The following VPS13B variants were observed in gnomAD, a reference collection of about 807,000 sequenced individuals.
VPS13B encodes vacuolar protein sorting 13 homolog B.
VPS13B carries 285 observed loss-of-function variants against 426.4 expected under a neutral mutation model. The observed-to-expected ratio is 0.67, with a 90% CI of 0.61 to 0.74. The LOEUF (loss-of-function observed/expected upper bound fraction) is 0.74, where lower values mean the gene tolerates loss of function less well. VPS13B is among the 30% of genes least tolerant of loss of function. The pLI, the probability that VPS13B is intolerant of heterozygous loss-of-function variation, is 0.00. For synonymous variants in VPS13B, 1,676 were observed against 1,676.4 expected (o/e 1.00, Z 0.01); for missense variants, 4,537 against 4,782.6 (o/e 0.95, Z 1.51).
intron 35 of VPS13B, among the ~76,000 whole-genome samples, chr8:99,690,622 A>G (rs971693165): frequency 2.6e-5 from 4 of 152,082 alleles, no homozygotes; most frequent in African/African-American, 9.7e-5. Context: ...TAATAATCTT[A>G]TATTTTATAT....
chr8:99,751,015 T>C (rs1463097304), intron 39 of VPS13B, among the ~76,000 whole-genome samples: 1 of 152,092 alleles, frequency 6.6e-6, no homozygotes, highest in African/African-American at 2.4e-5. Context: ...TCCTTAGGAA[T>C]GTTGATGGAA....
chr8:99,482,499 A>G (rs1000794186), intron 25 of VPS13B, among the ~76,000 whole-genome samples: 5 of 152,216 alleles, frequency 3.3e-5, no homozygotes, highest in Non-Finnish European at 7.3e-5. Context: ...GCATGACTAC[A>G]TTAGAAGACA....
chr8:99,807,908 G>A (rs1027129580), intron 43 of VPS13B, among the ~76,000 whole-genome samples: 10 of 138,768 alleles, frequency 7.2e-5, no homozygotes, highest in South Asian at 2.3e-4. Flanking sequence ...TCTTAACATC[G>A]AAAACGTATG....
At chr8:99,866,381 C>G (rs1817100407) in intron 58 of VPS13B, among the ~76,000 whole-genome samples, 1 of 152,204 alleles carries the variant, frequency 6.6e-6, no homozygotes, top group Admixed American at 6.5e-5. Context: ...GATAAGGCAC[C>G]TGGTGGCTGG....
intron 24 of VPS13B, among the ~76,000 whole-genome samples, chr8:99,474,014 A>G (rs1322670300): frequency 6.6e-6 from 1 of 152,122 alleles, no homozygotes; most frequent in Non-Finnish European, 1.5e-5. Context: ...AAAGAGATAT[A>G]TCTCCTCATA....
intron 39 of VPS13B, among the ~76,000 whole-genome samples, chr8:99,744,486 T>C (rs1376540833): frequency 1.3e-5 from 2 of 152,136 alleles, no homozygotes; most frequent in Admixed American, 6.5e-5. Context: ...ACCCAAAGGA[T>C]TATAAATCAT....
chr8:99,019,699 G>A (rs1327914727), intron 2 of VPS13B, among the ~76,000 whole-genome samples: 1 of 152,090 alleles, frequency 6.6e-6, no homozygotes, highest in Admixed American at 6.5e-5. Context: ...GTATGAATTT[G>A]ACTATTTTAA....
At chr8:99,374,062 T>C (rs1429635531) in intron 19 of VPS13B, among the ~76,000 whole-genome samples, 1 of 152,202 alleles carries the variant, frequency 6.6e-6, no homozygotes, top group Non-Finnish European at 1.5e-5. Context: ...GAAATCTAGG[T>C]TGAATTTTTT....
At chr8:99,437,882 T>C (rs1048255325) in intron 22 of VPS13B, among the ~76,000 whole-genome samples, 1 of 152,158 alleles carries the variant, frequency 6.6e-6, no homozygotes, top group Non-Finnish European at 1.5e-5. Flanking sequence ...GGCAATAGTA[T>C]GTAGCTGATA....
intron 20 of VPS13B, among the ~76,000 whole-genome samples, chr8:99,390,237 A>G (rs1814360660): frequency 6.6e-6 from 1 of 151,644 alleles, no homozygotes; most frequent in Admixed American, 6.6e-5. Context: ...AGCTGGGACT[A>G]CAGGCACCCG....
At chr8:99,802,104 C>A (rs762660342) in intron 43 of VPS13B, among the ~76,000 whole-genome samples, 1 of 150,964 alleles carries the variant, frequency 6.6e-6, no homozygotes, top group Non-Finnish European at 1.5e-5. Context: ...GAGTCATGAT[C>A]GTGCCACTAC....
In VPS13B at chr8:99,488,428, G is replaced by T. The variant is rs536159234; in HGVS notation, c.3870+6626G>T. Among the ~76,000 whole-genome samples, 52 of 151,938 alleles carry T rather than the reference G, an allele frequency of 3.4e-4. 1 individual carries two copies. The highest frequency in any genetic ancestry group is 3.0e-3 in the Admixed American group (46 of 15,252). The stretch of plus-strand genomic sequence containing the variant: ...CCTCCTGGGGAAAACTAGCTAAACT[G>T]TCTACTACTTTCCTACTCTTTGTTG... On this transcript the variant is annotated intron_variant, in intron 25 of 61. Transcript: ENST00000357162.
chr8:99,092,098 C>A (rs545930610), intron 3 of VPS13B: 3 of 152,068 alleles, frequency 2.0e-5, no homozygotes, highest in Admixed American at 2.0e-4. Context: ...GTTGACAAAC[C>A]CTGTGAGGGA....
At chr8:99,775,417 A>G (rs148849487) in intron 40 of VPS13B, among the ~76,000 whole-genome samples, 219 of 152,270 alleles carry the variant, frequency 1.4e-3, no homozygotes, top group African/African-American at 4.9e-3. Flanking sequence ...AAAGGGCAAC[A>G]TTGATTCGGT....
chr8:99,499,457 A>G (rs757195877), intron 25 of VPS13B, among the ~76,000 whole-genome samples: 43 of 152,132 alleles, frequency 2.8e-4, no homozygotes, highest in Non-Finnish European at 2.5e-4. Context: ...TCCTTGGAAT[A>G]TGATATTCTT....
chr8:99,176,448 G>T (rs982482959), intron 16 of VPS13B, among the ~76,000 whole-genome samples: 8 of 152,062 alleles, frequency 5.3e-5, no homozygotes, highest in Admixed American at 3.9e-4. Context: ...TGTAAACCTT[G>T]AATAACACCA....
At chr8:99,538,948 C>T (rs1303279532) in intron 30 of VPS13B, among the ~76,000 whole-genome samples, 1 of 152,112 alleles carries the variant, frequency 6.6e-6, no homozygotes, top group African/African-American at 2.4e-5. Context: ...ATACATGGCA[C>T]ATTTAGATTA....
intron 35 of VPS13B, among the ~76,000 whole-genome samples, chr8:99,679,969 G>T (rs2129967347): frequency 6.6e-6 from 1 of 152,156 alleles, no homozygotes; most frequent in South Asian, 2.1e-4. Flanking sequence ...TCTGTGTTTT[G>T]CATTTACTAA....
chr8:99,162,841 C>T (rs1033828401), intron 15 of VPS13B, among the ~76,000 whole-genome samples: 8 of 152,140 alleles, frequency 5.3e-5, no homozygotes, highest in African/African-American at 7.2e-5. Context: ...AATGCTGGCT[C>T]GGGCAGCCTG....
Sources: gnomAD v4.1 joint callset for allele counts (sites outside exome capture counted in the v4.1 genomes callset) on GRCh38, gnomAD v4.1.1 for gene constraint, MANE v1.5 for transcripts, NCBI Gene and HGNC (gene_info 2026-07-23, HGNC 2026-07-21) for gene names.